Variants in SEC63 observed in about 807,000 individuals in gnomAD.
The protein encoded by SEC63 is translocation protein SEC63 homolog.
In SEC63, 56 loss-of-function variants were observed where a neutral mutation model predicts 116.2. The ratio of observed to expected loss-of-function variants is 0.48; its 90% confidence interval spans 0.39 to 0.60. The LOEUF (loss-of-function observed/expected upper bound fraction) is 0.60. SEC63 is among the 20% of genes least tolerant of loss of function. SEC63 has a pLI of 0.00. For missense variants in SEC63, 668 were observed against 900.0 expected (o/e 0.74, Z 3.30); for synonymous variants, 273 against 294.6 (o/e 0.93, Z 0.75).
At chr6:107,879,491 A>T (rs1377643627) in intron 18 of SEC63, among the ~76,000 whole-genome samples, 1 of 152,090 alleles carries the variant, frequency 6.6e-6, no homozygotes, top group Middle Eastern at 3.4e-3. Context: ...ATGCCCAGCC[A>T]ATTTTGTATT....
At chr6:107,949,592 T>C (rs2114517581) in intron 1 of SEC63, among the ~76,000 whole-genome samples, 1 of 152,266 alleles carries the variant, frequency 6.6e-6, no homozygotes, top group Non-Finnish European at 1.5e-5. Flanking sequence ...AAAGGATATA[T>C]GCCTATAGAA....
At chr6:107,899,224 T>A (rs1184016435) in intron 13 of SEC63, among the ~76,000 whole-genome samples, 1 of 152,152 alleles carries the variant, frequency 6.6e-6, no homozygotes, top group Admixed American at 6.5e-5. Flanking sequence ...CTTTCCTGCT[T>A]CTATATTTCT....
intron 1 of SEC63, among the ~76,000 whole-genome samples, chr6:107,945,966 T>C (rs1770473931): frequency 6.6e-6 from 1 of 152,138 alleles, no homozygotes; most frequent in Admixed American, 6.5e-5. Context: ...AGACGGAGTC[T>C]TACTCTGTCG....
rs1786124604 is a variant in SEC63, at chr6:107,871,189, TAA to T, written c.*513_*514del. 6.3e-6 allele frequency: 1 copy of T among 157,602 alleles called. No individual in the cohort carries two copies. Among genetic ancestry groups the T allele is most frequent in the African/African-American group, 2.4e-5 (1 of 41,452 alleles). The allele number at this position is 157,602 out of a possible 1,614,324, so 9.8% of individuals were successfully genotyped here. On this transcript the variant is annotated 3_prime_UTR_variant, in exon 21 of 21. Transcript: ENST00000369002. The stretch of plus-strand genomic sequence containing the variant: ...AACTTATGACCAAGATAAGTAAAAA[TAA>T]AAGTTTAAATCTATGAGTGGAGCTG...
intron 8 of SEC63, among the ~76,000 whole-genome samples, chr6:107,908,183 C>G (rs1421277507): frequency 6.6e-6 from 1 of 151,978 alleles, no homozygotes; most frequent in Non-Finnish European, 1.5e-5. Flanking sequence ...AGACACAATT[C>G]AAAACTTACA....
chr6:107,917,202 C>G (rs181208868), intron 4 of SEC63, among the ~76,000 whole-genome samples: 1 of 152,180 alleles, frequency 6.6e-6, no homozygotes, highest in Non-Finnish European at 1.5e-5. Context: ...TCCTTTAATT[C>G]GGCCCATCCC....
At position 107,924,860 on chromosome 6, in the gene SEC63, T is replaced by C. The variant is rs779919368; in HGVS notation, c.297A>G (p.Glu99=). ...LAYKVSKTDR[E]YQEYNPYEVL... is the part of the protein sequence containing the mutation. ...CTTCATAAGGATTGTATTCTTGGTA[T>C]TCTCGGTCTGTTTTGGAAACTTTAT... Residue 99 remains glutamate (E), a synonymous_variant, in exon 3 of 21, where the codon GAA becomes GAG. Transcript: ENST00000369002. 20 of 1,596,164 alleles carry C rather than the reference T, an allele frequency of 1.3e-5. No individual in the cohort carries two copies. Among genetic ancestry groups the C allele is most frequent in the Admixed American group, 1.7e-5 (1 of 59,974 alleles).
At chr6:107,909,177 G>C in intron 7 of SEC63, 142 bp from the exon 8 acceptor site, 1 of 631,746 alleles carries the variant, frequency 1.6e-6, no homozygotes, top group Non-Finnish European at 2.9e-6. Flanking sequence ...AGACCAGCCT[G>C]GGCAACATAG....
At chr6:107,892,422 G>A (rs1786704494) in intron 16 of SEC63, among the ~76,000 whole-genome samples, 3 of 152,074 alleles carry the variant, frequency 2.0e-5, no homozygotes, top group African/African-American at 2.4e-5. Context: ...TTCAAGATAG[G>A]TTTATCAACT....
chr6:107,900,286 C>G (rs1431637839), intron 13 of SEC63, among the ~76,000 whole-genome samples: 1 of 151,994 alleles, frequency 6.6e-6, no homozygotes, highest in Non-Finnish European at 1.5e-5. Flanking sequence ...AGGCATGACA[C>G]CACTGGGCCC....
At chr6:107,956,088 G>A (rs1311684902) in intron 1 of SEC63, 1 of 295,564 alleles carries the variant, frequency 3.4e-6, no homozygotes, top group Middle Eastern at 4.2e-4. Context: ...ACCAGCCTGG[G>A]TAAATGAGAC....
intron 1 of SEC63, among the ~76,000 whole-genome samples, chr6:107,945,645 A>C (rs749190084): frequency 6.6e-6 from 1 of 152,144 alleles, no homozygotes; most frequent in Non-Finnish European, 1.5e-5. Context: ...CGCCTTTCAA[A>C]GAAACAATGT....
intron 11 of SEC63, among the ~76,000 whole-genome samples, chr6:107,903,561 T>A (rs1322337362): frequency 2.6e-5 from 4 of 152,090 alleles, no homozygotes; most frequent in Non-Finnish European, 5.9e-5. Flanking sequence ...TAAAGTTAGC[T>A]CCGTGCTGTG....
chr6:107,934,067 G>T (rs922506446), intron 1 of SEC63, among the ~76,000 whole-genome samples: 1 of 152,278 alleles, frequency 6.6e-6, no homozygotes, highest in Non-Finnish European at 1.5e-5. Flanking sequence ...ATCTTGGCTC[G>T]CTACAACCTC....
At chr6:107,887,549 G>A (rs1786561639) in intron 16 of SEC63, among the ~76,000 whole-genome samples, 1 of 148,788 alleles carries the variant, frequency 6.7e-6, no homozygotes, top group South Asian at 2.2e-4. Flanking sequence ...ATTGAACAAT[G>A]AGATCACATG....
chr6:107,902,375 CAA>C (rs1267792240), intron 12 of SEC63, among the ~76,000 whole-genome samples: 1 of 152,036 alleles, frequency 6.6e-6, no homozygotes, highest in Non-Finnish European at 1.5e-5. Flanking sequence ...TATATTTCCT[CAA>C]GTTTTTCATT....
intron 16 of SEC63, among the ~76,000 whole-genome samples, chr6:107,883,832 T>C (rs1786467517): frequency 1.3e-5 from 2 of 150,500 alleles, no homozygotes; most frequent in South Asian, 4.2e-4. Context: ...TAAAGAAAAG[T>C]ACTCCTTTGG....
At chr6:107,907,957 A>G (rs1787181145) in intron 8 of SEC63, among the ~76,000 whole-genome samples, 1 of 152,234 alleles carries the variant, frequency 6.6e-6, no homozygotes, top group African/African-American at 2.4e-5. Context: ...TATAAACATG[A>G]AACATTTTCA....
intron 1 of SEC63, 67 bp downstream of exon 1, chr6:107,957,819 C>T (rs1041875251): frequency 1.4e-6 from 2 of 1,405,182 alleles, no homozygotes; most frequent in Non-Finnish European, 1.9e-6. Context: ...GGCAAGCGGG[C>T]GCCGCAGGGC....
Sources: gnomAD v4.1 joint callset for allele counts (sites outside exome capture counted in the v4.1 genomes callset) on GRCh38, gnomAD v4.1.1 for gene constraint, MANE v1.5 for transcripts, NCBI Gene and HGNC (gene_info 2026-07-23, HGNC 2026-07-21) for gene names.